The following BOK variants were observed in gnomAD, a reference collection of about 807,000 sequenced individuals.
BOK encodes bcl-2-related ovarian killer protein.
A neutral mutation model predicts 18.3 loss-of-function variants in BOK; 20 were observed. That is an observed-to-expected ratio of 1.09 (90% CI 0.77 to 1.59). BOK has a LOEUF of 1.59. BOK is among the 40% of genes most tolerant of loss of function. The pLI is 0.00. For synonymous variants in BOK, 173 were observed against 142.4 expected, an observed-to-expected ratio of 1.21 and a Z score of -1.53; for missense variants, 348 against 307.9, an observed-to-expected ratio of 1.13 and a Z score of -0.97.
In BOK at chr2:241,572,968, G is replaced by A. The variant is rs13010818; in HGVS notation, c.*546G>A. 2 of 84,326 alleles carry A rather than the reference G, an allele frequency of 2.4e-5. No individual in the cohort carries two copies. The highest frequency in any genetic ancestry group is 5.6e-5 in the African/African-American group (1 of 17,860). 5.2% of individuals were successfully genotyped at this position (84,326 alleles called of 1,614,324 possible). Reference sequence around the variant, plus strand: ...CCCGGGAACACCTGCTCTCACCTGAGCCCCAGGTGAAGGGGCCCGGGAACA... The same window carrying A: ...CCCGGGAACACCTGCTCTCACCTGAACCCCAGGTGAAGGGGCCCGGGAACA... On this transcript the variant is annotated 3_prime_UTR_variant, in exon 5 of 5. Transcript: ENST00000318407.
chr2:241,571,336 G>A (rs2066715897), intron 4 of BOK, among the ~76,000 whole-genome samples: 2 of 152,190 alleles, frequency 1.3e-5, no homozygotes, highest in Non-Finnish European at 2.9e-5. Flanking sequence ...GGCCCTGGGT[G>A]TGGAGGGTGG....
intron 2 of BOK, among the ~76,000 whole-genome samples, chr2:241,561,951 C>T (rs1371806461): frequency 1.3e-5 from 2 of 152,242 alleles, no homozygotes; most frequent in East Asian, 3.8e-4. Context: ...CCCAGCCCCT[C>T]CCCACGTCGG....
In BOK at chr2:241,562,451, C is replaced by T. The variant is rs140246126; in HGVS notation, c.324C>T (p.Ala108=). The change falls in exon 3 of 5, where the codon GCC becomes GCT. Residue 108 remains alanine, a synonymous_variant. Transcript: ENST00000318407. The surrounding 1 kb of genome is among the most constrained non-coding windows in gnomAD (Gnocchi z 4.5). ...CTGTGGTGACCGATGCGTTCCTGGC[C>T]GTGGCTGGCCACATCTTCTCTGCAG... The part of the protein sequence containing the change: ...SEPVVTDAFL[A]VAGHIFSAGI... 8.4e-5 allele frequency: 136 copies of T among 1,611,700 alleles called. No individual in the cohort carries two copies. Among genetic ancestry groups the T allele is most frequent in the African/African-American group, 5.9e-4 (44 of 75,050 alleles).
At position 241,570,244 on chromosome 2, in the gene BOK, G is replaced by A. The variant is rs371687248; in HGVS notation, c.469G>A (p.Val157Met). 118 of 1,589,238 alleles carry A rather than the reference G, an allele frequency of 7.4e-5. No homozygotes were observed. The highest frequency in any genetic ancestry group is 7.2e-4 in the Admixed American group (40 of 55,688). Residue 157 changes from valine to methionine, a missense_variant, in exon 4 of 5, where the codon GTG (valine) becomes ATG (methionine). Physicochemically the swap from Val to Met is conservative, Grantham distance 21. Transcript: ENST00000318407. The part of the protein sequence containing the change: ...HALVDCLGEF[V>M]RKTLATWLRR... Reference sequence around the variant, plus strand: ...CCTCGTGGACTGCCTGGGGGAGTTCGTGCGCAAGACCCTGGCAACCTGGCT... The same window carrying A: ...CCTCGTGGACTGCCTGGGGGAGTTCATGCGCAAGACCCTGGCAACCTGGCT...
In BOK at chr2:241,559,587, G is replaced by C. The variant is rs1366817466; in HGVS notation, c.104G>C (p.Gly35Ala). The change falls in exon 2 of 5, where the codon GGC becomes GCC. Residue 35 changes from glycine to alanine, a missense_variant. Gly to Ala is a moderately conservative substitution (Grantham distance 60, BLOSUM62 0). Transcript: ENST00000318407. ...KELVAQAKAL[G>A]REYVHARLLR... ...CTGGTGGCCCAGGCCAAGGCGCTGG[G>C]CCGGGAGTACGTGCACGCGCGGCTG... The C allele has an allele frequency of 2.0e-6, 3 of 1,511,266 alleles. No homozygotes were observed. In the African/African-American group the frequency reaches 4.3e-5, roughly 22 times the overall value. The allele number at this position is 1,511,266 out of a possible 1,614,324, so 93.6% of individuals were successfully genotyped here.
In BOK at chr2:241,559,467, C is replaced by T; in HGVS notation, c.-17C>T. On this transcript the variant is annotated 5_prime_UTR_variant, in exon 2 of 5. Coordinates refer to ENST00000318407, the MANE Select transcript of BOK (RefSeq NM_032515.5). Reference sequence around the variant, plus strand: ...CTTGTGCCCGCAGGTGCGGCGCCCCCCACCCGCGTCGCCGCCATGGAGGTG... The same window carrying T: ...CTTGTGCCCGCAGGTGCGGCGCCCCTCACCCGCGTCGCCGCCATGGAGGTG... The T allele has an allele frequency of 2.1e-6, 3 of 1,449,834 alleles. No homozygotes were observed. Among genetic ancestry groups the T allele is most frequent in the South Asian group, 1.4e-5 (1 of 73,744 alleles). The allele number at this position is 1,449,834 out of a possible 1,614,324, so 89.8% of individuals were successfully genotyped here.
intron 2 of BOK, among the ~76,000 whole-genome samples, chr2:241,561,470 G>A (rs1287014172): frequency 3.1e-4 from 43 of 138,070 alleles, no homozygotes; most frequent in African/African-American, 1.0e-3. Context: ...GTGGCAGTGC[G>A]GGTGGCCCAG....
In BOK at chr2:241,572,525, C is replaced by T; in HGVS notation, c.*103C>T. The T allele has an allele frequency of 6.8e-7, 1 of 1,477,786 alleles. No individual in the cohort carries two copies. The highest frequency in any genetic ancestry group is 9.0e-7 in the Non-Finnish European group (1 of 1,109,360). The allele number at this position is 1,477,786 out of a possible 1,614,324, so 91.5% of individuals were successfully genotyped here. ...CTCCTCCCCACCCGAGCCTGGAGCA[C>T]TCTAACCCTCGGAGACCCCCTAAGC... On this transcript the variant is annotated 3_prime_UTR_variant, in exon 5 of 5. Coordinates refer to ENST00000318407, the MANE Select transcript of BOK (RefSeq NM_032515.5).
rs990466025 is a variant in BOK at position 241,572,353 on chromosome 2, G to T, written c.570G>T (p.Leu190=). 6.2e-7 allele frequency: 1 copy of T among 1,609,616 alleles called. No individual in the cohort carries two copies. Among genetic ancestry groups the T allele is most frequent in the Admixed American group, 1.7e-5 (1 of 59,908 alleles). ...STDPGLRSHW[L]VAALCSFGRF... Reference sequence around the variant, plus strand: ...ACCCTGGCCTCCGCTCCCACTGGCTGGTGGCTGCACTCTGCAGCTTCGGCC... The same window carrying T: ...ACCCTGGCCTCCGCTCCCACTGGCTTGTGGCTGCACTCTGCAGCTTCGGCC... Residue 190 remains leucine, a synonymous_variant, in exon 5 of 5, where the codon CTG becomes CTT. Coordinates refer to ENST00000318407, the MANE Select transcript of BOK (RefSeq NM_032515.5).
chr2:241,570,117 C>G lies in BOK; in HGVS notation c.350-8C>G, dbSNP rs1051719560. The G allele has an allele frequency of 2.5e-6, 4 of 1,610,290 alleles. No homozygotes were observed. The African/African-American group carries it at 4.0e-5, about 16-fold the overall frequency. ...AAGTCCTGATCTTGACCATCTCTCT[C>G]CCTGCAGGCATCACGTGGGGCAAGG... On this transcript the variant is annotated splice_region_variant and splice_polypyrimidine_tract_variant and intron_variant, in intron 3 of 4. Transcript: ENST00000318407.
intron 3 of BOK, among the ~76,000 whole-genome samples, chr2:241,569,888 C>T (rs960764447): frequency 2.0e-5 from 3 of 152,224 alleles, no homozygotes; most frequent in African/African-American, 7.2e-5. Flanking sequence ...CCCACGTTGT[C>T]CCTGCGGCCT....
intron 1 of BOK, among the ~76,000 whole-genome samples, chr2:241,552,635 C>T (rs1015542861): frequency 6.6e-6 from 1 of 152,252 alleles, no homozygotes; most frequent in African/African-American, 2.4e-5. Flanking sequence ...GTCTTTTTCC[C>T]TGCAAGTATG....
intron 3 of BOK, among the ~76,000 whole-genome samples, chr2:241,568,673 C>G (rs940319323): frequency 1.3e-5 from 2 of 152,182 alleles, no homozygotes; most frequent in African/African-American, 4.8e-5. Flanking sequence ...CCACCTCGGC[C>G]TTCCAAGGTG....
At chr2:241,559,805 C>G in intron 2 of BOK, 102 bp downstream of exon 2, 1 of 1,217,532 alleles carries the variant, frequency 8.2e-7, no homozygotes, top group South Asian at 3.1e-5. Flanking sequence ...GGCGCCCACC[C>G]CCTGCCTGGG....
chr2:241,569,333 A>G (rs557613051), intron 3 of BOK, among the ~76,000 whole-genome samples: 4 of 151,942 alleles, frequency 2.6e-5, no homozygotes, highest in Non-Finnish European at 4.4e-5. Context: ...CGGTTTCACC[A>G]TGTTGGTCAG....
chr2:241,559,449 C>T lies in BOK; in HGVS notation c.-29-6C>T. On this transcript the variant is annotated splice_polypyrimidine_tract_variant and splice_region_variant and intron_variant, in intron 1 of 4. Transcript: ENST00000318407. ...CCTCCACCCGGCTGAGCGCTTGTGC[C>T]CGCAGGTGCGGCGCCCCCCACCCGC... 7.8e-6 allele frequency: 11 copies of T among 1,409,186 alleles called. No homozygotes were observed. Among genetic ancestry groups the T allele is most frequent in the Non-Finnish European group, 1.0e-5 (11 of 1,083,720 alleles). 87.3% of individuals were successfully genotyped at this position (1,409,186 alleles called of 1,614,324 possible).
intron 3 of BOK, among the ~76,000 whole-genome samples, chr2:241,567,935 G>A (rs2066641837): frequency 6.6e-6 from 1 of 151,978 alleles, no homozygotes; most frequent in Admixed American, 6.6e-5. Context: ...GGCCGCCACC[G>A]CCATTCCCCA....
At chr2:241,559,830 G>C (rs2066498928) in intron 2 of BOK, 127 bp downstream of exon 2, 1 of 1,111,940 alleles carries the variant, frequency 9.0e-7, no homozygotes, top group Non-Finnish European at 1.1e-6. Context: ...CCAGGCGCTC[G>C]GGACAGGGCC....
upstream of BOK, among the ~76,000 whole-genome samples, chr2:241,554,272 G>A (rs2066435412): frequency 6.6e-6 from 1 of 152,214 alleles, no homozygotes; most frequent in Non-Finnish European, 1.5e-5. Context: ...TCACATGAGA[G>A]ATGAGATAGA....
Sources: allele counts gnomAD v4.1 joint callset (sites outside exome capture counted in the v4.1 genomes callset), GRCh38; gene constraint gnomAD v4.1.1; non-coding constraint Gnocchi (gnomAD v3.1); transcripts MANE v1.5; gene names NCBI Gene and HGNC (gene_info 2026-07-23, HGNC 2026-07-21).